Variants in SUPT6H observed in about 807,000 individuals in gnomAD.
SUPT6H encodes the protein SPT6 homolog, histone chaperone and transcription elongation factor.
Under a neutral mutation model 222.3 loss-of-function variants are expected in SUPT6H, and 11 were observed. The ratio of observed to expected loss-of-function variants is 0.05; its 90% CI spans 0.03 to 0.08. The LOEUF is 0.08. SUPT6H is among the 10% of genes least tolerant of loss of function. The pLI is 1.00. For missense variants in SUPT6H, 1,422 were observed against 2,216.0 expected (o/e 0.64, Z 7.19); for synonymous variants, 762 against 801.2 (o/e 0.95, Z 0.83).
intron 35 of SUPT6H, 44 bp from the exon 36 acceptor site, chr17:28,700,897 C>G (rs754202142): frequency 6.4e-7 from 1 of 1,563,774 alleles, no homozygotes; most frequent in Non-Finnish European, 8.7e-7. Context: ...CAAGGCCAAA[C>G]AAGCCCCACA....
intron 25 of SUPT6H, 76 bp from the exon 26 acceptor site, chr17:28,690,006 G>C: frequency 6.5e-7 from 1 of 1,532,272 alleles, no homozygotes; most frequent in Non-Finnish European, 8.8e-7. Flanking sequence ...GGAGAGGCCC[G>C]CCCCTTCCAC....
chr17:28,684,934 A>G lies in SUPT6H; in HGVS notation c.2460A>G (p.Ala820=), dbSNP rs535517531. 1.7e-5 allele frequency: 27 copies of G among 1,614,198 alleles called. No individual in the cohort carries two copies. In the South Asian group the frequency reaches 2.9e-4, roughly 17 times the overall value. Residue 820 remains alanine (A), a synonymous_variant, in exon 19 of 37, where the codon GCA becomes GCG. Transcript: ENST00000314616. The stretch of plus-strand genomic sequence containing the variant: ...CCCATTTTACCAAACGGCGAACTGC[A>G]TGGAGAGAGGAAGAGCGGGAAAAGA... ...RLPHFTKRRT[A]WREEEREKKA... is the part of the protein sequence containing the mutation.
intron 29 of SUPT6H, among the ~76,000 whole-genome samples, chr17:28,695,867 TG>T (rs1278555729): frequency 1.3e-5 from 2 of 152,152 alleles, no homozygotes; most frequent in Non-Finnish European, 2.9e-5. Flanking sequence ...AATCCCATAG[TG>T]GGTCAGAAAT....
rs1485709048 is a variant in SUPT6H, at chr17:28,688,689, A to G, written c.3134+471A>G. On this transcript the variant is annotated intron_variant, in intron 24 of 36. Coordinates refer to ENST00000314616, the MANE Select transcript of SUPT6H (RefSeq NM_003170.5). The surrounding 1 kb of genome is among the most constrained non-coding windows in gnomAD (Gnocchi z 4.3). ...TCACTATTGACCTCTTCCTCTCCAG[A>G]AGTTATCAACTCAGTCTTTGGAGGA... 6.5e-6 allele frequency: 1 copy of G among 153,766 alleles called. No individual in the cohort carries two copies. Among genetic ancestry groups the G allele is most frequent in the Non-Finnish European group, 1.4e-5 (1 of 69,266 alleles). The allele number at this position is 153,766 out of a possible 1,614,324, so 9.5% of individuals were successfully genotyped here. A position where few individuals can be genotyped will look rare whatever the true frequency, so the allele number is the denominator to read the frequency against.
chr17:28,683,744 G>C lies in SUPT6H; in HGVS notation c.2157G>C (p.Gln719His). Residue 719 changes from glutamine to histidine, a missense_variant, in exon 17 of 37, where the codon CAG (glutamine) becomes CAC (histidine). This residue lies in a region of SUPT6H where 294 missense variants were observed against 382.1 expected (regional missense o/e 0.77). Transcript: ENST00000314616. ...RTMAIERALQ[Q>H]FLYVQMAKEL... ...TGGCCATCGAACGGGCTTTACAGCA[G>C]TTCCTCTATGTGCAGATGGCCAAAG... The C allele has an allele frequency of 6.2e-7, 1 of 1,614,162 alleles. No individual in the cohort carries two copies. The highest frequency in any genetic ancestry group is 1.7e-5 in the Admixed American group (1 of 60,010).
At chr17:28,682,674 G>A in intron 13 of SUPT6H, 53 bp from the exon 14 acceptor site, 1 of 1,585,716 alleles carries the variant, frequency 6.3e-7, no homozygotes, top group East Asian at 2.2e-5. Context: ...TGAAAGCCAA[G>A]AGGTTTATCA....
chr17:28,668,566 C>T (rs1451931489), intron 1 of SUPT6H, among the ~76,000 whole-genome samples: 1 of 152,170 alleles, frequency 6.6e-6, no homozygotes, highest in Non-Finnish European at 1.5e-5. Flanking sequence ...GCTATCTTTC[C>T]AAGCTGTGTG....
intron 1 of SUPT6H, among the ~76,000 whole-genome samples, chr17:28,671,413 ATATGTTCTT>A (rs60391676): frequency 2.4e-4 from 37 of 152,134 alleles, no homozygotes; most frequent in African/African-American, 8.4e-4. Flanking sequence ...TCTCTATTGG[ATATGTTCTT>A]TATCTTCCAG....
intron 1 of SUPT6H, among the ~76,000 whole-genome samples, chr17:28,667,475 ATATG>A (rs1224619597): frequency 2.9e-5 from 4 of 137,054 alleles, no homozygotes; most frequent in East Asian, 2.1e-4. Context: ...ATATGTGTAT[ATATG>A]TGTGTGTATA....
rs919845831 is a variant in SUPT6H at position 28,681,061 on chromosome 17, C to T, written c.1350-195C>T. Reference sequence around the variant, plus strand: ...AACCGCCCGGGTTCAAGTGATCATCCCATCTCCAGTCTGGGCAACAGAGTG... The same window carrying T: ...AACCGCCCGGGTTCAAGTGATCATCTCATCTCCAGTCTGGGCAACAGAGTG... On this transcript the variant is annotated intron_variant, in intron 11 of 36. Coordinates refer to ENST00000314616, the MANE Select transcript of SUPT6H (RefSeq NM_003170.5). 2.5e-5 allele frequency: 14 copies of T among 565,932 alleles called. No individual in the cohort carries two copies. In the Admixed American group the frequency reaches 4.3e-4, roughly 18 times the overall value. 35.1% of individuals were successfully genotyped at this position (565,932 alleles called of 1,614,324 possible). A position where few individuals can be genotyped will look rare whatever the true frequency, so the allele number is the denominator to read the frequency against.
intron 7 of SUPT6H, among the ~76,000 whole-genome samples, chr17:28,676,716 AG>A (rs755152066): frequency 6.6e-5 from 10 of 152,252 alleles, no homozygotes; most frequent in Non-Finnish European, 1.3e-4. Context: ...GCTTGAGTCC[AG>A]GAACTCAAGA....
intron 23 of SUPT6H, 81 bp downstream of exon 23, chr17:28,687,552 C>A: frequency 6.9e-7 from 1 of 1,457,784 alleles, no homozygotes; most frequent in Non-Finnish European, 9.2e-7. Flanking sequence ...TATAATTTGA[C>A]AGATTGGGAG....
At chr17:28,669,319 A>G (rs1483634772) in intron 1 of SUPT6H, among the ~76,000 whole-genome samples, 3 of 151,966 alleles carry the variant, frequency 2.0e-5, no homozygotes, top group South Asian at 4.1e-4. Context: ...AGCCTCCTGA[A>G]TAGCTGGGAC....
chr17:28,686,200 A>G (rs2031370556), intron 19 of SUPT6H, 139 bp from the exon 20 acceptor site: 2 of 735,982 alleles, frequency 2.7e-6, no homozygotes, highest in African/African-American at 3.5e-5. Flanking sequence ...AGAGGTGGGA[A>G]TAGTTCCTTG....
intron 33 of SUPT6H, 107 bp from the exon 34 acceptor site, chr17:28,700,066 A>T: frequency 6.5e-7 from 1 of 1,527,302 alleles, no homozygotes; most frequent in Non-Finnish European, 9.0e-7. Flanking sequence ...GTGCCTATGC[A>T]GCTTCCCTTC....
At chr17:28,699,974 G>C in intron 33 of SUPT6H, 81 bp downstream of exon 33, 3 of 1,440,760 alleles carry the variant, frequency 2.1e-6, no homozygotes, top group Admixed American at 1.7e-5. Context: ...CAGCCTAGGG[G>C]ACCAGGTGAG....
chr17:28,693,566 CATT>C (rs2031772349), intron 27 of SUPT6H, 127 bp from the exon 28 acceptor site: 5 of 1,102,796 alleles, frequency 4.5e-6, no homozygotes, highest in Non-Finnish European at 5.3e-6. Context: ...ATGACTAAGT[CATT>C]GTGTTTTCAG....
rs775299873 is a variant in SUPT6H, at chr17:28,676,326, C to T, written c.793C>T (p.Arg265Cys). Residue 265 changes from arginine to cysteine, a missense_variant, in exon 7 of 37, where the codon CGT (arginine) becomes TGT (cysteine). Physicochemically the swap from Arg to Cys is radical, Grantham distance 180. Around this residue, in one of 13 missense-constraint regions of SUPT6H, gnomAD observed 389 missense variants for 544.6 expected, o/e 0.71. Coordinates refer to ENST00000314616, the MANE Select transcript of SUPT6H (RefSeq NM_003170.5). Reference protein sequence around the residue: ...PKKTTKKRVSRRSIFEMYEPS... With the variant: ...PKKTTKKRVSCRSIFEMYEPS... ...GAAGACCACCAAGAAGCGTGTGAGC[C>T]GTAGGAGCATCTTTGAAATGTATGA... 3.4e-5 allele frequency: 55 copies of T among 1,613,404 alleles called. No homozygotes were observed. The highest frequency in any genetic ancestry group is 1.7e-5 in the Admixed American group (1 of 59,910).
Position 28,668,085 on chromosome 17 carries a change from C to T in SUPT6H, c.-31-5286C>T, listed in dbSNP as rs1032482669. Among the ~76,000 whole-genome samples, 11 of 152,286 alleles carry T rather than the reference C, an allele frequency of 7.2e-5. 1 individual carries two copies. Among genetic ancestry groups the T allele is most frequent in the South Asian group, 4.1e-4 (2 of 4,824 alleles). On this transcript the variant is annotated intron_variant, in intron 1 of 36. Transcript: ENST00000314616. ...GATCCCAGTTCCATTCCTCTTCCAG[C>T]GAATGTCATGGTAACCACCAGCCTC...
Sources: allele counts gnomAD v4.1 joint callset (sites outside exome capture counted in the v4.1 genomes callset), GRCh38; gene constraint gnomAD v4.1.1; regional missense constraint gnomAD v4.1.1; non-coding constraint Gnocchi (gnomAD v3.1); transcripts MANE v1.5; gene names NCBI Gene and HGNC (gene_info 2026-07-23, HGNC 2026-07-21).